TENT2: variants seen among roughly 807,000 people sequenced by gnomAD.
The protein encoded by TENT2 is terminal nucleotidyltransferase 2, also known as poly(A) RNA polymerase GLD2.
Under a neutral mutation model 72.2 loss-of-function variants are expected in TENT2, and 44 were observed. The ratio of observed to expected loss-of-function variants is 0.61; its 90% CI spans 0.48 to 0.78. TENT2 has a LOEUF of 0.78. TENT2 is among the 30% of genes least tolerant of loss of function. The pLI is 0.00. For synonymous variants in TENT2, 212 were observed against 192.5 expected, an observed-to-expected ratio of 1.10 and a Z score of -0.84; for missense variants, 541 against 569.6, an observed-to-expected ratio of 0.95 and a Z score of 0.51.
At chr5:79,668,766 C>G (rs1350518744) in intron 11 of TENT2, 126 bp from the exon 12 acceptor site, 2 of 1,163,652 alleles carry the variant, frequency 1.7e-6, no homozygotes, top group Non-Finnish European at 2.4e-6. Flanking sequence ...TTTCAGGTTT[C>G]CAAATTGCCA....
intron 12 of TENT2, among the ~76,000 whole-genome samples, chr5:79,675,005 A>ATT (rs1816078922): frequency 6.6e-6 from 1 of 152,196 alleles, no homozygotes; most frequent in Non-Finnish European, 1.5e-5. Flanking sequence ...GGGGATAAAA[A>ATT]GCATAGCATT....
At chr5:79,670,316 T>A (rs1055660708) in intron 12 of TENT2, among the ~76,000 whole-genome samples, 1 of 151,760 alleles carries the variant, frequency 6.6e-6, no homozygotes, top group African/African-American at 2.4e-5. Context: ...AGAGCTTTTA[T>A]TTATTTATTT....
At chr5:79,649,012 A>G in intron 9 of TENT2, 50 bp from the exon 10 acceptor site, 1 of 1,581,668 alleles carries the variant, frequency 6.3e-7, no homozygotes, top group South Asian at 1.1e-5. Context: ...GTAAACTTTC[A>G]AAGAAACTAT....
intron 11 of TENT2, among the ~76,000 whole-genome samples, chr5:79,659,556 GTATATATATATATATATATATATATATA>G (rs71855117): frequency 2.9e-5 from 1 of 34,270 alleles, no homozygotes; most frequent in Non-Finnish European, 4.7e-5. Flanking sequence ...AAAAAAAAAT[GTATATATATATATATATATATATATATA>G]TATATATATA....
intron 1 of TENT2, among the ~76,000 whole-genome samples, chr5:79,616,775 A>G (rs1760497043): frequency 6.6e-6 from 1 of 152,216 alleles, no homozygotes; most frequent in African/African-American, 2.4e-5. Context: ...TCTGCTAAAG[A>G]AAGTTGACAG....
chr5:79,655,932 G>A (rs957125399), intron 10 of TENT2, among the ~76,000 whole-genome samples: 5 of 151,766 alleles, frequency 3.3e-5, no homozygotes, highest in African/African-American at 9.7e-5. Context: ...GTTGGAGACC[G>A]TGTAAGTTGG....
chr5:79,631,052 G>C (rs1169227540), intron 4 of TENT2, among the ~76,000 whole-genome samples: 1 of 152,146 alleles, frequency 6.6e-6, no homozygotes, highest in Non-Finnish European at 1.5e-5. Flanking sequence ...TGATATATTA[G>C]ATTACAGTGT....
intron 12 of TENT2, among the ~76,000 whole-genome samples, chr5:79,673,935 A>T (rs1028169041): frequency 1.3e-5 from 2 of 152,210 alleles, no homozygotes; most frequent in African/African-American, 4.8e-5. Context: ...TAATGTTAAG[A>T]AGTTTACAGT....
At chr5:79,646,065 C>T (rs1320965718) in intron 8 of TENT2, among the ~76,000 whole-genome samples, 1 of 152,136 alleles carries the variant, frequency 6.6e-6, no homozygotes, top group Admixed American at 6.6e-5. Flanking sequence ...TGTTCAGCTT[C>T]ATACTGTAAA....
rs559255714 is a variant in TENT2, at chr5:79,664,505, G to A, written c.1072-4387G>A. On this transcript the variant is annotated intron_variant, in intron 11 of 14. Transcript: ENST00000453514. ...AGCTACTCCGGAGGCTGAGGCAGGC[G>A]AATTGCTTGAACCCAGGAGGCGGAG... Among the ~76,000 whole-genome samples the A allele has an allele frequency of 5.9e-4, 89 of 151,394 alleles. 1 individual carries two copies. The highest frequency in any genetic ancestry group is 2.1e-3 in the African/African-American group (86 of 41,236).
chr5:79,649,070 C>T lies in TENT2; in HGVS notation c.907C>T (p.Arg303Ter), dbSNP rs775713016. 9.3e-6 allele frequency: 15 copies of T among 1,612,806 alleles called. No individual in the cohort carries two copies. The highest frequency in any genetic ancestry group is 2.2e-5 in the East Asian group (1 of 44,828). Residue 303 changes from arginine to a stop codon, truncating the protein, a stop_gained, in exon 10 of 15, where the codon CGA becomes TGA. Coordinates refer to ENST00000453514, the MANE Select transcript of TENT2 (RefSeq NM_001114394.3). LOFTEE classifies it high-confidence loss of function. The part of the protein sequence containing the change: ...LLRTYAYLEN[R>*]VRPLVLVIKK... Reference sequence around the variant, plus strand: ...TTTAATTTTACTTTCAGTTGAAAATCGAGTTCGTCCGTTAGTGCTGGTGAT... The same window carrying T: ...TTTAATTTTACTTTCAGTTGAAAATTGAGTTCGTCCGTTAGTGCTGGTGAT...
intron 8 of TENT2, among the ~76,000 whole-genome samples, chr5:79,645,438 T>A (rs1580403457): frequency 6.6e-6 from 1 of 152,234 alleles, no homozygotes; most frequent in East Asian, 1.9e-4. Context: ...GAGTACATAT[T>A]TGTATTTTAG....
rs2151039893 is a variant in TENT2, at chr5:79,685,211, T to G, written c.1393T>G (p.Leu465Val). Reference sequence around the variant, plus strand: ...CTTTCTCTCCCAGTCATGGCACAGATTGAAAAACAAGAGAGATTTGAACAG... The same window carrying G: ...CTTTCTCTCCCAGTCATGGCACAGAGTGAAAAACAAGAGAGATTTGAACAG... ...KDQFLKSWHR[L>V]KNKRDLNSIL... is the part of the protein sequence containing the mutation. The change falls in exon 15 of 15, where the codon TTG (leucine) becomes GTG (valine). Residue 465 changes from leucine to valine, a missense_variant. Transcript: ENST00000453514. 6.2e-7 allele frequency: 1 copy of G among 1,606,688 alleles called. No homozygotes were observed. Among genetic ancestry groups the G allele is most frequent in the East Asian group, 2.2e-5 (1 of 44,626 alleles).
chr5:79,670,525 A>C (rs1246954333), intron 12 of TENT2, among the ~76,000 whole-genome samples: 1 of 151,604 alleles, frequency 6.6e-6, no homozygotes, highest in Non-Finnish European at 1.5e-5. Context: ...GGGTTTCATC[A>C]TATGGGCCAG....
At chr5:79,648,910 A>G (rs1270369574) in intron 9 of TENT2, 152 bp from the exon 10 acceptor site, 1 of 949,196 alleles carries the variant, frequency 1.1e-6, no homozygotes, top group Non-Finnish European at 1.5e-6. Flanking sequence ...AACTAAGGTA[A>G]GTTTTAGACA....
At chr5:79,654,157 C>G (rs1286459894) in intron 10 of TENT2, among the ~76,000 whole-genome samples, 1 of 152,160 alleles carries the variant, frequency 6.6e-6, no homozygotes, top group African/African-American at 2.4e-5. Context: ...GGAGGCCGGG[C>G]ACGGTGGCTC....
chr5:79,635,184 G>C (rs2150286854), intron 4 of TENT2, among the ~76,000 whole-genome samples: 1 of 152,070 alleles, frequency 6.6e-6, no homozygotes, highest in Middle Eastern at 3.4e-3. Flanking sequence ...CCATCTCCTG[G>C]AATATTTCTC....
At chr5:79,613,519 G>C (rs1417171227) in intron 1 of TENT2, among the ~76,000 whole-genome samples, 1 of 152,158 alleles carries the variant, frequency 6.6e-6, no homozygotes, top group African/African-American at 2.4e-5. Context: ...GTATGGTTCA[G>C]TACCACCAGG....
At chr5:79,624,340 T>C (rs191044228) in intron 4 of TENT2, among the ~76,000 whole-genome samples, 54 of 152,330 alleles carry the variant, frequency 3.5e-4, no homozygotes, top group African/African-American at 1.2e-3. Flanking sequence ...TACAGAAATG[T>C]TGGGTCAGAA....
Sources: gnomAD v4.1 joint callset for allele counts (sites outside exome capture counted in the v4.1 genomes callset) on GRCh38, gnomAD v4.1.1 for gene constraint, MANE v1.5 for transcripts, NCBI Gene and HGNC (gene_info 2026-07-23, HGNC 2026-07-21) for gene names.